Variants in FHIT observed in about 807,000 individuals in gnomAD.
FHIT encodes the protein bis(5'-adenosyl)-triphosphatase.
A neutral mutation model predicts 17.9 loss-of-function variants in FHIT; 19 were observed. The observed-to-expected ratio is 1.06, with a 90% CI of 0.74 to 1.56. The LOEUF is 1.56. Ranked by LOEUF, FHIT falls within the 40% of genes most tolerant of loss-of-function variation. The pLI, the probability that FHIT is intolerant of heterozygous loss-of-function variation, is 0.00. For synonymous variants in FHIT, 81 were observed against 69.7 expected, an observed-to-expected ratio of 1.16 and a Z score of -0.81; for missense variants, 248 against 189.2, an observed-to-expected ratio of 1.31 and a Z score of -1.82.
At chr3:61,207,705 C>A (rs2039295797) in intron 1 of FHIT, among the ~76,000 whole-genome samples, 1 of 152,114 alleles carries the variant, frequency 6.6e-6, no homozygotes, top group Non-Finnish European at 1.5e-5. Flanking sequence ...TGATTCTTCT[C>A]TCTTTTCTTC....
chr3:60,861,942 C>CAAAA (rs36022063), intron 3 of FHIT, among the ~76,000 whole-genome samples: 46 of 80,100 alleles, frequency 5.7e-4, no homozygotes, highest in African/African-American at 1.9e-3. Flanking sequence ...GACTCGGTCT[C>CAAAA]AAAAAAAAAA....
intron 2 of FHIT, among the ~76,000 whole-genome samples, chr3:61,138,582 G>A (rs1252272959): frequency 6.6e-6 from 1 of 152,186 alleles, no homozygotes; most frequent in East Asian, 1.9e-4. Context: ...GATGATGGTG[G>A]CGCTGACAAA....
intron 5 of FHIT, among the ~76,000 whole-genome samples, chr3:60,042,282 A>G (rs1701473078): frequency 6.6e-6 from 1 of 152,238 alleles, no homozygotes; most frequent in Non-Finnish European, 1.5e-5. Flanking sequence ...AACCTGAAGT[A>G]TCTTACTTTT....
chr3:60,149,392 G>A (rs1700367025), intron 5 of FHIT, among the ~76,000 whole-genome samples: 2 of 151,902 alleles, frequency 1.3e-5, no homozygotes, highest in Admixed American at 1.3e-4. Flanking sequence ...AAAACAAAAG[G>A]GTAATTCTTC....
chr3:61,112,410 T>C (rs1259510276), intron 2 of FHIT, among the ~76,000 whole-genome samples: 1 of 152,122 alleles, frequency 6.6e-6, no homozygotes, highest in Non-Finnish European at 1.5e-5. Flanking sequence ...GTCCCAGCTG[T>C]ATTGTCATAA....
intron 3 of FHIT, among the ~76,000 whole-genome samples, chr3:60,973,865 C>A (rs899058974): frequency 6.6e-6 from 1 of 152,064 alleles, no homozygotes; most frequent in African/African-American, 2.4e-5. Context: ...TTTATTGCTC[C>A]TTGGGGAATC....
intron 5 of FHIT, among the ~76,000 whole-genome samples, chr3:60,295,329 C>T (rs989473453): frequency 2.6e-5 from 4 of 152,050 alleles, no homozygotes; most frequent in Non-Finnish European, 5.9e-5. Context: ...ATTTGGCTCA[C>T]GGTTCTGCAG....
chr3:59,877,595 G>A (rs1012527627), intron 8 of FHIT, among the ~76,000 whole-genome samples: 1 of 152,164 alleles, frequency 6.6e-6, no homozygotes, highest in African/African-American at 2.4e-5. Context: ...TTAAGACATT[G>A]ACCATGTTCA....
chr3:60,531,625 T>C (rs2035790778), intron 5 of FHIT, among the ~76,000 whole-genome samples: 1 of 152,192 alleles, frequency 6.6e-6, no homozygotes, highest in Non-Finnish European at 1.5e-5. Context: ...AACTGCAGTT[T>C]CCTGAACAAT....
At chr3:60,971,474 G>T (rs1710005632) in intron 3 of FHIT, among the ~76,000 whole-genome samples, 2 of 151,474 alleles carry the variant, frequency 1.3e-5, no homozygotes, top group Admixed American at 6.6e-5. Flanking sequence ...ACTGTGATTG[G>T]TTTATTTGTC....
chr3:60,009,941 G>C (rs1013611407), intron 7 of FHIT, among the ~76,000 whole-genome samples: 1 of 152,126 alleles, frequency 6.6e-6, no homozygotes, highest in Non-Finnish European at 1.5e-5. Flanking sequence ...ATAAGTTTTA[G>C]CTATGCTTAC....
chr3:60,568,130 T>A (rs538123308), intron 4 of FHIT, among the ~76,000 whole-genome samples: 1 of 152,150 alleles, frequency 6.6e-6, no homozygotes, highest in African/African-American at 2.4e-5. Context: ...GGATTATAAA[T>A]CATGCTGCTA....
intron 2 of FHIT, among the ~76,000 whole-genome samples, chr3:61,066,523 G>A (rs534728280): frequency 6.6e-6 from 1 of 152,190 alleles, no homozygotes; most frequent in African/African-American, 2.4e-5. Context: ...GCTGAGGCAG[G>A]AGAATTGCTT....
chr3:61,011,105 A>T (rs10510856), intron 3 of FHIT, among the ~76,000 whole-genome samples: 6,184 of 152,296 alleles, frequency 0.041, 417 homozygotes, highest in African/African-American at 0.14. Context: ...AACCAGAGAA[A>T]TTATATGCAC....
chr3:60,804,973 C>G (rs1701332093), intron 4 of FHIT, among the ~76,000 whole-genome samples: 1 of 152,196 alleles, frequency 6.6e-6, no homozygotes, highest in Admixed American at 6.5e-5. Flanking sequence ...CTGACAGATC[C>G]TTTTGAGCAT....
chr3:60,634,263 A>G (rs942478597), intron 4 of FHIT, among the ~76,000 whole-genome samples: 1 of 152,082 alleles, frequency 6.6e-6, no homozygotes, highest in East Asian at 1.9e-4. Context: ...ACGGGTTGCC[A>G]ATCTACTCTC....
rs1379259233 is a variant in FHIT, at chr3:60,949,889, C to T, written c.-111+92158G>A. On this transcript the variant is annotated intron_variant, in intron 3 of 9. Transcript: ENST00000492590. ...GTAAAACTTGGAAATCTTAAATTTC[C>T]AAGCAAAAGAAGACTGTTCAAATTA... 3.3e-5 allele frequency among the ~76,000 whole-genome samples: 5 copies of T among 152,050 alleles called. No individual in the cohort carries two copies. The East Asian group carries it at 5.8e-4, about 18-fold the overall frequency.
intron 3 of FHIT, among the ~76,000 whole-genome samples, chr3:60,927,774 C>A (rs1244469193): frequency 6.6e-6 from 1 of 152,144 alleles, no homozygotes; most frequent in African/African-American, 2.4e-5. Flanking sequence ...AGGTGAGGAG[C>A]CCCTCTGCCC....
intron 5 of FHIT, among the ~76,000 whole-genome samples, chr3:60,399,548 C>T (rs761390916): frequency 3.9e-5 from 6 of 152,106 alleles, no homozygotes; most frequent in Non-Finnish European, 7.3e-5. Flanking sequence ...ACACCTATTT[C>T]GTGGTCGGTA....
Sources: allele counts gnomAD v4.1 joint callset (sites outside exome capture counted in the v4.1 genomes callset), GRCh38; gene constraint gnomAD v4.1.1; transcripts MANE v1.5; gene names NCBI Gene and HGNC (gene_info 2026-07-23, HGNC 2026-07-21).